The following FAAH2 variants were observed in gnomAD, a reference collection of about 807,000 sequenced individuals.
FAAH2 encodes the protein fatty-acid amide hydrolase 2.
FAAH2 carries 60 observed loss-of-function variants against 36.9 expected under a neutral mutation model. The ratio of observed to expected loss-of-function variants is 1.63; its 90% CI spans 1.32 to 2.02. The LOEUF (loss-of-function observed/expected upper bound fraction) is 2.02, where lower values mean the gene tolerates loss of function less well. FAAH2 is among the 30% of genes most tolerant of loss of function. The pLI is 0.00. For missense variants in FAAH2, 689 were observed against 397.5 expected, an observed-to-expected ratio of 1.73 and a Z score of -6.23; for synonymous variants, 214 against 143.8, an observed-to-expected ratio of 1.49 and a Z score of -3.49.
intron 8 of FAAH2, among the ~76,000 whole-genome samples, chrX:57,439,064 G>A (rs186948892): frequency 1.0e-3 from 112 of 110,813 alleles, no homozygotes; most frequent in Admixed American, 1.5e-3. Context: ...ATAAACATAC[G>A]TGTGCATGTG....
chrX:57,257,270 G>A, the FAAH2 span, among the ~76,000 whole-genome samples: 1 of 111,986 alleles, frequency 8.9e-6, no homozygotes, highest in Non-Finnish European at 1.9e-5. Flanking sequence ...CTATTCAGAA[G>A]AGCAAAGACT....
chrX:57,134,438 G>GC, the FAAH2 span: 2 of 111,262 alleles, frequency 1.8e-5, no homozygotes, highest in Non-Finnish European at 3.8e-5. Flanking sequence ...TCTTGGGACA[G>GC]CAGGTTTCTT....
intron 3 of FAAH2, among the ~76,000 whole-genome samples, chrX:57,315,957 C>A (rs1453884340): frequency 9.0e-6 from 1 of 111,568 alleles, no homozygotes; most frequent in East Asian, 2.8e-4. Flanking sequence ...GAAAAGAAGT[C>A]AAACTGTCTC....
chrX:57,129,007 T>C, the FAAH2 span, among the ~76,000 whole-genome samples: 3 of 112,210 alleles, frequency 2.7e-5, no homozygotes, highest in Admixed American at 9.4e-5. Flanking sequence ...TTATGAAAAG[T>C]TATGAAAAGC....
At chrX:57,324,624 T>A (rs1195148757) in intron 3 of FAAH2, among the ~76,000 whole-genome samples, 8 of 112,194 alleles carry the variant, frequency 7.1e-5, no homozygotes, top group Non-Finnish European at 1.5e-4. Flanking sequence ...AGTTCACTCA[T>A]GATTTGGCTC....
intron 2 of FAAH2, among the ~76,000 whole-genome samples, chrX:57,302,147 G>A (rs1415332968): frequency 9.0e-6 from 1 of 111,391 alleles, no homozygotes; most frequent in Non-Finnish European, 1.9e-5. Context: ...CTTTCTGGGA[G>A]CCCTAGAGTC....
chrX:57,338,933 C>CA (rs762675391), intron 4 of FAAH2, among the ~76,000 whole-genome samples: 1 of 111,148 alleles, frequency 9.0e-6, no homozygotes, highest in Non-Finnish European at 1.9e-5. Flanking sequence ...CACGTGGAGA[C>CA]AAAAAAGAGC....
At chrX:57,134,258 A>C in the FAAH2 span, among the ~76,000 whole-genome samples, 3 of 111,852 alleles carry the variant, frequency 2.7e-5, no homozygotes, top group South Asian at 3.8e-4. Flanking sequence ...TACCAAGTCA[A>C]AACCCCCAGC....
intron 5 of FAAH2, among the ~76,000 whole-genome samples, chrX:57,348,562 A>G (rs2053894461): frequency 9.0e-6 from 1 of 111,106 alleles, no homozygotes; most frequent in African/African-American, 3.3e-5. Flanking sequence ...GCTCTTAGCT[A>G]CCACTGTGAC....
chrX:57,380,895 T>G lies in FAAH2; in HGVS notation c.879-17T>G, dbSNP rs761387601. On this transcript the variant is annotated splice_polypyrimidine_tract_variant and intron_variant, in intron 6 of 10. Transcript: ENST00000374900. The stretch of plus-strand genomic sequence containing the variant: ...TAAATAATTTGTTGATGTCAGTTTC[T>G]TTTTAATCCTACACAGGTTAAAACT... 1 of 1,032,463 alleles carries G rather than the reference T, an allele frequency of 9.7e-7. No individual in the cohort carries two copies. The highest frequency in any genetic ancestry group is 1.9e-5 in the African/African-American group (1 of 52,225). The allele number at this position is 1,032,463 out of a possible 1,213,427, so 85.1% of individuals were successfully genotyped here.
At chrX:57,323,349 A>T (rs1041399042) in intron 3 of FAAH2, among the ~76,000 whole-genome samples, 2 of 111,779 alleles carry the variant, frequency 1.8e-5, no homozygotes, top group South Asian at 3.7e-4. Flanking sequence ...GTATATATCC[A>T]GTAATGGGAT....
At chrX:57,293,222 C>T (rs935983934) in intron 2 of FAAH2, among the ~76,000 whole-genome samples, 3 of 111,338 alleles carry the variant, frequency 2.7e-5, no homozygotes, top group African/African-American at 9.8e-5. Context: ...TGTTAATATA[C>T]TTATTAAAAT....
the FAAH2 span, among the ~76,000 whole-genome samples, chrX:57,237,074 G>A: frequency 1.8e-5 from 2 of 111,231 alleles, no homozygotes; most frequent in Non-Finnish European, 3.8e-5. Flanking sequence ...TTCTTCATAT[G>A]GATATCCAGT....
intron 10 of FAAH2, among the ~76,000 whole-genome samples, chrX:57,469,147 C>A (rs112720816): frequency 9.0e-6 from 1 of 111,682 alleles, no homozygotes; most frequent in Non-Finnish European, 1.9e-5. Flanking sequence ...CAAAAACATG[C>A]CAAATTGTAA....
intron 5 of FAAH2, among the ~76,000 whole-genome samples, chrX:57,370,848 A>G (rs1475079854): frequency 9.0e-6 from 1 of 111,714 alleles, no homozygotes; most frequent in African/African-American, 3.3e-5. Context: ...TCTAAGGTGG[A>G]ACAGCTTCAT....
the FAAH2 span, among the ~76,000 whole-genome samples, chrX:57,180,046 C>A: frequency 8.9e-6 from 1 of 111,864 alleles, no homozygotes; most frequent in African/African-American, 3.3e-5. Context: ...AGGCAGGTCG[C>A]AAGAAGTTCT....
chrX:57,125,105 A>G, the FAAH2 span, among the ~76,000 whole-genome samples: 4 of 112,674 alleles, frequency 3.6e-5, no homozygotes, highest in Admixed American at 3.7e-4. Context: ...GAATGCTTCC[A>G]GTTTTTGCCC....
At chrX:57,371,542 C>T (rs765335557) in intron 5 of FAAH2, among the ~76,000 whole-genome samples, 6 of 108,718 alleles carry the variant, frequency 5.5e-5, no homozygotes, top group South Asian at 4.1e-4. Context: ...CTGCTGTAGA[C>T]GTGCAGGTGC....
At chrX:57,280,366 C>G in the FAAH2 span, among the ~76,000 whole-genome samples, 1 of 110,178 alleles carries the variant, frequency 9.1e-6, no homozygotes, top group African/African-American at 3.3e-5. Flanking sequence ...ACCTTAATAT[C>G]AAGCAAAAAA....
Sources: allele counts gnomAD v4.1 joint callset (sites outside exome capture counted in the v4.1 genomes callset), GRCh38; gene constraint gnomAD v4.1.1; transcripts MANE v1.5; gene names NCBI Gene and HGNC (gene_info 2026-07-23, HGNC 2026-07-21).